Variants in MSH3 observed in about 807,000 individuals in gnomAD.
The protein encoded by MSH3 is mutS homolog 3, also known as DNA mismatch repair protein Msh3.
MSH3 carries 106 observed loss-of-function variants against 123.3 expected under a neutral mutation model. The observed-to-expected ratio is 0.86, with a 90% CI of 0.73 to 1.01. The LOEUF is 1.01. Among genes scored for constraint, MSH3 ranks in the 50% least tolerant of loss-of-function variants. The pLI is 0.00. For missense variants in MSH3, 1,459 were observed against 1,347.6 expected (o/e 1.08, Z -1.29); for synonymous variants, 515 against 481.4 (o/e 1.07, Z -0.91).
chr5:80,763,630 A>G (rs957684073), intron 13 of MSH3, among the ~76,000 whole-genome samples: 38 of 152,232 alleles, frequency 2.5e-4, no homozygotes, highest in African/African-American at 8.7e-4. Context: ...CAGATGTCAG[A>G]GATTTGAAAA....
rs372048303 is a variant in MSH3 at position 80,768,042 on chromosome 5, G to A, written c.2006G>A (p.Arg669Gln). 72 of 1,613,448 alleles carry A rather than the reference G, an allele frequency of 4.5e-5. No homozygotes were observed. Among genetic ancestry groups the A allele is most frequent in the Admixed American group, 6.7e-5 (4 of 59,980 alleles). Residue 669 changes from arginine (R) to glutamine (Q), a missense_variant, in exon 14 of 24, where the codon CGG (arginine) becomes CAG (glutamine). Physicochemically the swap from Arg to Gln is conservative, Grantham distance 43. Transcript: ENST00000265081. ...VNSHIQSDLL[R>Q]TVILEIPELL... ...TCCCACATTCAGTCAGACTTGCTCC[G>A]GACCGTTATTTTAGAAATTCCTGAA...
intron 19 of MSH3, among the ~76,000 whole-genome samples, chr5:80,801,459 C>T (rs1351097775): frequency 6.6e-6 from 1 of 152,156 alleles, no homozygotes; most frequent in Non-Finnish European, 1.5e-5. Context: ...CTAAGAAAGC[C>T]ACCATGTTGT....
At chr5:80,770,874 A>G (rs1293208630) in intron 15 of MSH3, among the ~76,000 whole-genome samples, 1 of 152,214 alleles carries the variant, frequency 6.6e-6, no homozygotes, top group Non-Finnish European at 1.5e-5. Context: ...AATTCATAAG[A>G]GATAGTAGAC....
chr5:80,761,115 C>T (rs569534278), intron 12 of MSH3, among the ~76,000 whole-genome samples: 10 of 152,242 alleles, frequency 6.6e-5, no homozygotes, highest in Admixed American at 1.3e-4. Flanking sequence ...GGGTGGTCCT[C>T]ATCACACAGC....
At chr5:80,782,003 A>T (rs1277046345) in intron 17 of MSH3, among the ~76,000 whole-genome samples, 1 of 152,226 alleles carries the variant, frequency 6.6e-6, no homozygotes, top group East Asian at 1.9e-4. Context: ...ACAGTTTTAT[A>T]TGTGTATATT....
intron 20 of MSH3, among the ~76,000 whole-genome samples, chr5:80,828,926 C>A (rs781356126): frequency 6.6e-6 from 1 of 152,222 alleles, no homozygotes; most frequent in Non-Finnish European, 1.5e-5. Flanking sequence ...CAAGTGCCTG[C>A]AGCTTTCCCA....
At chr5:80,667,425 G>A (rs1322423489) in intron 3 of MSH3, among the ~76,000 whole-genome samples, 3 of 152,214 alleles carry the variant, frequency 2.0e-5, no homozygotes, top group Non-Finnish European at 4.4e-5. Flanking sequence ...TGCTTCGCCA[G>A]CTGTAAACCT....
At chr5:80,770,401 G>A (rs938779815) in intron 15 of MSH3, among the ~76,000 whole-genome samples, 1 of 151,970 alleles carries the variant, frequency 6.6e-6, no homozygotes, top group Admixed American at 6.6e-5. Flanking sequence ...TAAAATACAT[G>A]AAAGTGCTTT....
chr5:80,772,580 A>G (rs1442695419), intron 15 of MSH3, among the ~76,000 whole-genome samples: 3 of 152,182 alleles, frequency 2.0e-5, no homozygotes, highest in African/African-American at 7.2e-5. Context: ...TCACATCAAC[A>G]CCTAATAAAC....
intron 12 of MSH3, among the ~76,000 whole-genome samples, chr5:80,752,715 C>A (rs1167341122): frequency 6.6e-6 from 1 of 152,040 alleles, no homozygotes; most frequent in Non-Finnish European, 1.5e-5. Context: ...AGAAGGTAGC[C>A]ATGGTCTTTA....
At chr5:80,695,497 G>C (rs1750459174) in intron 8 of MSH3, among the ~76,000 whole-genome samples, 1 of 152,026 alleles carries the variant, frequency 6.6e-6, no homozygotes, top group South Asian at 2.1e-4. Flanking sequence ...ACCACGCCCA[G>C]CTAATTTTTG....
chr5:80,775,699 G>A lies in MSH3; in HGVS notation c.2259G>A (p.Met753Ile), dbSNP rs1171721024. Residue 753 changes from methionine (M) to isoleucine (I), a missense_variant, in exon 16 of 24, where the codon ATG (methionine) becomes ATA (isoleucine). Transcript: ENST00000265081. ...QYVTVSGQEF[M>I]IEIKNSAVSC... ...TTTATTTGTATTTGTTTTAGTTTAT[G>A]ATAGAAATAAAGAACTCTGCTGTAT... The A allele has an allele frequency of 2.0e-6, 3 of 1,529,598 alleles. No individual in the cohort carries two copies. The highest frequency in any genetic ancestry group is 1.1e-5 in the South Asian group (1 of 89,092). 94.8% of individuals were successfully genotyped at this position (1,529,598 alleles called of 1,614,324 possible).
intron 6 of MSH3, among the ~76,000 whole-genome samples, chr5:80,674,127 T>A (rs1051921431): frequency 6.6e-6 from 1 of 152,192 alleles, no homozygotes; most frequent in Non-Finnish European, 1.5e-5. Context: ...CTGGTATTTT[T>A]ATTTTTTCTT....
intron 20 of MSH3, among the ~76,000 whole-genome samples, chr5:80,852,485 C>T (rs991383308): frequency 6.6e-6 from 1 of 152,166 alleles, no homozygotes; most frequent in Non-Finnish European, 1.5e-5. Flanking sequence ...TAAAGGCAAA[C>T]AGTGGTAGAC....
intron 10 of MSH3, among the ~76,000 whole-genome samples, chr5:80,738,463 C>T (rs1743553104): frequency 6.6e-6 from 1 of 152,062 alleles, no homozygotes; most frequent in South Asian, 2.1e-4. Flanking sequence ...AGGGAACAAA[C>T]CCTGAGATAA....
At chr5:80,804,113 G>A (rs1744840906) in intron 19 of MSH3, among the ~76,000 whole-genome samples, 1 of 152,186 alleles carries the variant, frequency 6.6e-6, no homozygotes, top group Non-Finnish European at 1.5e-5. Context: ...TCTTTTAATA[G>A]GGATTGCATT....
chr5:80,735,962 C>T (rs1336227438), intron 10 of MSH3, among the ~76,000 whole-genome samples: 4 of 152,120 alleles, frequency 2.6e-5, no homozygotes, highest in Non-Finnish European at 4.4e-5. Flanking sequence ...CAGTGGCTCA[C>T]GCCTGTAATC....
intron 3 of MSH3, among the ~76,000 whole-genome samples, chr5:80,666,603 C>G (rs1374665881): frequency 6.6e-6 from 1 of 152,160 alleles, no homozygotes; most frequent in Non-Finnish European, 1.5e-5. Flanking sequence ...GCATTTACTC[C>G]AAGGTCTCAG....
chr5:80,797,033 C>T (rs537796493), intron 19 of MSH3, among the ~76,000 whole-genome samples: 1 of 152,114 alleles, frequency 6.6e-6, no homozygotes, highest in Admixed American at 6.5e-5. Flanking sequence ...AGAATGTCAT[C>T]TTTCCCCACC....
Sources: gnomAD v4.1 joint callset for allele counts (sites outside exome capture counted in the v4.1 genomes callset) on GRCh38, gnomAD v4.1.1 for gene constraint, MANE v1.5 for transcripts, NCBI Gene and HGNC (gene_info 2026-07-23, HGNC 2026-07-21) for gene names.